The following CLSTN1 variants were observed in gnomAD, a reference collection of about 807,000 sequenced individuals.
CLSTN1 encodes calsyntenin 1, also known as calsyntenin-1.
A neutral mutation model predicts 108.3 loss-of-function variants in CLSTN1; 28 were observed. The observed-to-expected ratio is 0.26, with a 90% CI of 0.19 to 0.35. CLSTN1 has a LOEUF of 0.35. Ranked by LOEUF, CLSTN1 falls within the 10% of genes least tolerant of loss-of-function variation. CLSTN1 has a pLI of 1.00. For synonymous variants in CLSTN1, 524 were observed against 534.9 expected, an observed-to-expected ratio of 0.98 and a Z score of 0.28; for missense variants, 1,157 against 1,302.6, an observed-to-expected ratio of 0.89 and a Z score of 1.72.
intron 2 of CLSTN1, among the ~76,000 whole-genome samples, chr1:9,770,862 C>T (rs911289053): frequency 9.2e-5 from 14 of 151,910 alleles, no homozygotes; most frequent in African/African-American, 3.4e-4. Flanking sequence ...GGCATGGTGG[C>T]GGGCACCTGT....
chr1:9,752,755 G>A (rs996921047), intron 4 of CLSTN1, among the ~76,000 whole-genome samples: 1 of 152,096 alleles, frequency 6.6e-6, no homozygotes, highest in Non-Finnish European at 1.5e-5. Context: ...CCAGCTGCTT[G>A]GGAGGCTGAG....
chr1:9,740,570 C>T (rs1248139527), intron 10 of CLSTN1, among the ~76,000 whole-genome samples: 2 of 152,176 alleles, frequency 1.3e-5, no homozygotes, highest in Non-Finnish European at 1.5e-5. Flanking sequence ...TGGTGGTTAT[C>T]ATATCCCCTC....
intron 1 of CLSTN1, among the ~76,000 whole-genome samples, chr1:9,816,658 T>C (rs1415145043): frequency 1.3e-5 from 2 of 152,194 alleles, no homozygotes; most frequent in African/African-American, 4.8e-5. Context: ...AGTGGTCTTT[T>C]TTTTTGAGAT....
chr1:9,734,197 G>T lies in CLSTN1; in HGVS notation c.2111-55C>A. ...AGTAGGGGCAGTGGGGCCCAGCGTG[G>T]CGGGGCACACTGGATGCCCTGCCGG... is the stretch of plus-strand genomic sequence containing the variant. On this transcript the variant is annotated intron_variant, in intron 14 of 18. Transcript: ENST00000377298. This position sits in a 1 kb window ranked among gnomAD's most constrained non-coding sequence, Gnocchi z 4.8. 1 of 1,572,750 alleles carries T rather than the reference G, an allele frequency of 6.4e-7. No individual in the cohort carries two copies. Among genetic ancestry groups the T allele is most frequent in the Non-Finnish European group, 8.7e-7 (1 of 1,148,730 alleles).
intron 1 of CLSTN1, among the ~76,000 whole-genome samples, chr1:9,816,890 G>T (rs575651632): frequency 6.6e-6 from 1 of 152,246 alleles, no homozygotes; most frequent in African/African-American, 2.4e-5. Context: ...CAGATGATCC[G>T]CCCACCTCGG....
chr1:9,807,177 T>C (rs188332452), intron 1 of CLSTN1, among the ~76,000 whole-genome samples: 1 of 152,104 alleles, frequency 6.6e-6, no homozygotes, highest in East Asian at 1.9e-4. Flanking sequence ...ACGAAACCTG[T>C]TTAACGTTAA....
chr1:9,769,959 G>A (rs1160410028), intron 2 of CLSTN1, among the ~76,000 whole-genome samples: 5 of 150,656 alleles, frequency 3.3e-5, no homozygotes, highest in Non-Finnish European at 5.9e-5. Context: ...GAACCCGGGA[G>A]GCAGAGCTTG....
In CLSTN1 at chr1:9,734,143, C is replaced by T; in HGVS notation, c.2111-1G>A. On this transcript the variant is annotated splice_acceptor_variant, in intron 14 of 18. Transcript: ENST00000377298. LOFTEE classifies it high-confidence loss of function. This position sits in a 1 kb window ranked among gnomAD's most constrained non-coding sequence, Gnocchi z 4.8. ...TCCTCGGACACCAGTGATTCTTGAACTGCAAAAGAGGCCCAACCAGAAATA... is the reference window on the plus strand; with the variant it reads ...TCCTCGGACACCAGTGATTCTTGAATTGCAAAAGAGGCCCAACCAGAAATA... 4.3e-6 allele frequency: 7 copies of T among 1,613,960 alleles called. No individual in the cohort carries two copies. The highest frequency in any genetic ancestry group is 5.9e-6 in the Non-Finnish European group (7 of 1,179,918).
chr1:9,771,376 G>T (rs1652665299), intron 2 of CLSTN1, among the ~76,000 whole-genome samples: 1 of 152,114 alleles, frequency 6.6e-6, no homozygotes, highest in Non-Finnish European at 1.5e-5. Flanking sequence ...AGCACTTTGG[G>T]AGGCCAAGGC....
chr1:9,811,731 C>CA (rs34337087), intron 1 of CLSTN1, among the ~76,000 whole-genome samples: 7,876 of 78,484 alleles, frequency 0.1, 485 homozygotes, highest in African/African-American at 0.18. Flanking sequence ...AAATGCATGG[C>CA]AAAAAAAAAA....
chr1:9,755,021 T>G, intron 4 of CLSTN1, 93 bp downstream of exon 4: 1 of 1,041,274 alleles, frequency 9.6e-7, no homozygotes, highest in Non-Finnish European at 1.4e-6. Flanking sequence ...TCAAAAACAG[T>G]CTTGGGGAGC....
intron 7 of CLSTN1, 119 bp from the exon 8 acceptor site, chr1:9,744,762 T>C (rs1651172218): frequency 2.3e-6 from 3 of 1,282,938 alleles, no homozygotes; most frequent in Admixed American, 5.7e-5. Flanking sequence ...TTTACTTTTT[T>C]TTTTTCTTTC....
chr1:9,749,176 T>C (rs1320809406), intron 7 of CLSTN1, among the ~76,000 whole-genome samples: 1 of 152,148 alleles, frequency 6.6e-6, no homozygotes, highest in Non-Finnish European at 1.5e-5. Context: ...AGTGCTGGAA[T>C]TACAGGTATA....
intron 1 of CLSTN1, among the ~76,000 whole-genome samples, chr1:9,800,858 G>C (rs576675883): frequency 6.6e-6 from 1 of 152,170 alleles, no homozygotes; most frequent in East Asian, 1.9e-4. Flanking sequence ...AGAATAGCTG[G>C]AACCTGGGAG....
intron 11 of CLSTN1, 29 bp from the exon 12 acceptor site, chr1:9,736,071 C>G (rs547923349): frequency 6.2e-7 from 1 of 1,613,696 alleles, no homozygotes; most frequent in Non-Finnish European, 8.5e-7. Context: ...AAGGCGAAGT[C>G]AGGCGTGCAA....
Position 9,750,996 on chromosome 1 carries a change from C to T in CLSTN1, c.649+477G>A, listed in dbSNP as rs946085505. 6.4e-4 allele frequency among the ~76,000 whole-genome samples: 97 copies of T among 151,718 alleles called. 1 individual carries two copies. Among genetic ancestry groups the T allele is most frequent in the African/African-American group, 2.1e-3 (87 of 41,390 alleles). ...AGGAGAATCACTTGAACCCGGGAGG[C>T]AGAGGTTGCAGTGAGCTGAGATCGC... On this transcript the variant is annotated intron_variant, in intron 5 of 18. Transcript: ENST00000377298.
intron 1 of CLSTN1, among the ~76,000 whole-genome samples, chr1:9,820,628 G>A (rs142799402): frequency 6.6e-6 from 1 of 152,092 alleles, no homozygotes; most frequent in Non-Finnish European, 1.5e-5. Context: ...AAGCTACTAC[G>A]CTGTCTAAAC....
Position 9,730,952 on chromosome 1 carries a change from GAA to G in CLSTN1, c.2749-249_2749-248del, listed in dbSNP as rs1359481034. Among the ~76,000 whole-genome samples the G allele has an allele frequency of 6.6e-6, 1 of 152,186 alleles. No individual in the cohort carries two copies. Among genetic ancestry groups the G allele is most frequent in the Non-Finnish European group, 1.5e-5 (1 of 68,040 alleles). ...ACAGCACCTCAGCTGCCCCACCAGA[GAA>G]CTCTCTCAGGATTACCATGACCCAA... is the stretch of plus-strand genomic sequence containing the variant. On this transcript the variant is annotated intron_variant, in intron 18 of 18. Transcript: ENST00000377298. The surrounding 1 kb of genome is among the most constrained non-coding windows in gnomAD (Gnocchi z 5.6).
intron 1 of CLSTN1, among the ~76,000 whole-genome samples, chr1:9,816,990 G>C (rs1333729379): frequency 6.6e-6 from 1 of 152,210 alleles, no homozygotes; most frequent in Non-Finnish European, 1.5e-5. Flanking sequence ...AGAAAGTACA[G>C]ATCAAGGTAG....
Sources: gnomAD v4.1 joint callset for allele counts (sites outside exome capture counted in the v4.1 genomes callset) on GRCh38, gnomAD v4.1.1 for gene constraint, Gnocchi (gnomAD v3.1) non-coding constraint, MANE v1.5 for transcripts, NCBI Gene and HGNC (gene_info 2026-07-23, HGNC 2026-07-21) for gene names.